MAPRE2: variants seen among roughly 807,000 people sequenced by gnomAD.
MAPRE2 encodes the protein microtubule-associated protein RP/EB family member 2.
In MAPRE2, 13 loss-of-function variants were observed where a neutral mutation model predicts 43.2. That is an observed-to-expected ratio of 0.30 (90% CI 0.20 to 0.48). The LOEUF (loss-of-function observed/expected upper bound fraction) is 0.48. Ranked by LOEUF, MAPRE2 falls within the 20% of genes least tolerant of loss-of-function variation. The pLI, the probability that MAPRE2 is intolerant of heterozygous loss-of-function variation, is 0.99. For missense variants in MAPRE2, 161 were observed against 400.2 expected (o/e 0.40, Z 5.10); for synonymous variants, 135 against 148.8 (o/e 0.91, Z 0.68).
At chr18:35,094,658 A>G (rs1908319166) in intron 2 of MAPRE2, among the ~76,000 whole-genome samples, 1 of 152,192 alleles carries the variant, frequency 6.6e-6, no homozygotes, top group African/African-American at 2.4e-5. Context: ...AACAATCTAT[A>G]GGAAAAATGT....
At chr18:35,093,321 A>G (rs1908248123) in intron 2 of MAPRE2, among the ~76,000 whole-genome samples, 1 of 152,012 alleles carries the variant, frequency 6.6e-6, no homozygotes, top group Admixed American at 6.6e-5. Flanking sequence ...GTTGGTAGAA[A>G]TGTGAATTAG....
At chr18:34,985,106 A>C (rs1180159012) in intron 1 of MAPRE2, among the ~76,000 whole-genome samples, 1 of 88,142 alleles carries the variant, frequency 1.1e-5, no homozygotes, top group Non-Finnish European at 1.9e-5. Context: ...TATAATATAT[A>C]AATATTATAT....
At chr18:35,028,452 T>C (rs1011631702) in intron 2 of MAPRE2, among the ~76,000 whole-genome samples, 2 of 152,202 alleles carry the variant, frequency 1.3e-5, no homozygotes, top group Admixed American at 1.3e-4. Flanking sequence ...AGTAAATATA[T>C]AATGTATACT....
At chr18:35,008,264 G>T (rs1040302738) in intron 2 of MAPRE2, among the ~76,000 whole-genome samples, 1 of 151,962 alleles carries the variant, frequency 6.6e-6, no homozygotes, top group Non-Finnish European at 1.5e-5. Flanking sequence ...TTTATGCTTT[G>T]ATCCTCACTA....
intron 1 of MAPRE2, among the ~76,000 whole-genome samples, chr18:35,049,124 GAGGTAATTTGTCAAAAACGCC>G (rs1222472540): frequency 1.3e-5 from 2 of 152,062 alleles, no homozygotes; most frequent in Non-Finnish European, 2.9e-5. Flanking sequence ...AAAGCCCTGG[GAGGTAATTTGTCAAAAACGCC>G]AGGTAATTTG....
At chr18:35,069,963 G>A (rs999543077) in intron 1 of MAPRE2, among the ~76,000 whole-genome samples, 3 of 152,226 alleles carry the variant, frequency 2.0e-5, no homozygotes, top group African/African-American at 7.2e-5. Flanking sequence ...CTCAGAACCT[G>A]AGGAACATTT....
intron 1 of MAPRE2, among the ~76,000 whole-genome samples, chr18:35,042,225 A>G (rs889654111): frequency 6.6e-6 from 1 of 152,198 alleles, no homozygotes; most frequent in Non-Finnish European, 1.5e-5. Flanking sequence ...ACATTCACCA[A>G]AATTTTCTCC....
At chr18:35,022,569 T>C (rs983959321) in intron 2 of MAPRE2, among the ~76,000 whole-genome samples, 2 of 152,214 alleles carry the variant, frequency 1.3e-5, no homozygotes, top group Non-Finnish European at 2.9e-5. Context: ...GGAACATTCT[T>C]CGGGTTGCAA....
chr18:35,021,150 G>C (rs2097041714), intron 2 of MAPRE2, among the ~76,000 whole-genome samples: 1 of 152,154 alleles, frequency 6.6e-6, no homozygotes, highest in African/African-American at 2.4e-5. Context: ...AAGGAAGAAA[G>C]ATAAGCTAGG....
chr18:35,135,353 G>A (rs1666718191), intron 6 of MAPRE2, among the ~76,000 whole-genome samples: 2 of 152,092 alleles, frequency 1.3e-5, no homozygotes, highest in Admixed American at 6.6e-5. Context: ...TGACTCTGCC[G>A]AGAGGCTCAG....
Position 34,998,761 on chromosome 18 carries a change from C to T in MAPRE2, c.-69-6731C>T, listed in dbSNP as rs2097027838. On this transcript the variant is annotated intron_variant, in intron 1 of 7. Transcript: ENST00000413393. ...TACAGGCGTGAGCCACTGAGCCTGG[C>T]CGAAGTTGCAATTTTTTTTTTTTTT... Among the ~76,000 whole-genome samples, 5 of 137,788 alleles carry T rather than the reference C, an allele frequency of 3.6e-5. No individual in the cohort carries two copies. In the South Asian group the frequency reaches 1.2e-3, roughly 32 times the overall value. The allele number at this position is 137,788 out of a possible 152,430, so 90.4% of individuals were successfully genotyped here.
At chr18:35,090,014 G>T (rs1235829582) in intron 2 of MAPRE2, among the ~76,000 whole-genome samples, 1 of 152,192 alleles carries the variant, frequency 6.6e-6, no homozygotes, top group Non-Finnish European at 1.5e-5. Flanking sequence ...AGAGTTTGCT[G>T]AGTGAAAGAA....
intron 3 of MAPRE2, among the ~76,000 whole-genome samples, chr18:35,100,117 A>T (rs115932567): frequency 0.013 from 1,926 of 152,272 alleles, 38 homozygotes; most frequent in African/African-American, 0.044. Flanking sequence ...ACACATTCAC[A>T]CACTCACACA....
intron 4 of MAPRE2, among the ~76,000 whole-genome samples, chr18:35,117,052 G>T (rs1198510405): frequency 6.6e-6 from 1 of 152,224 alleles, no homozygotes; most frequent in Non-Finnish European, 1.5e-5. Context: ...CATGGGAGAA[G>T]ACAGTGGCCT....
chr18:35,056,327 A>T (rs1007425290), intron 1 of MAPRE2, among the ~76,000 whole-genome samples: 2 of 152,206 alleles, frequency 1.3e-5, no homozygotes, highest in African/African-American at 4.8e-5. Context: ...TTATTATAAC[A>T]ATAGCTAAAG....
At chr18:34,985,686 A>T (rs1455677542) in intron 1 of MAPRE2, among the ~76,000 whole-genome samples, 1 of 124,630 alleles carries the variant, frequency 8.0e-6, no homozygotes, top group Non-Finnish European at 1.6e-5. Flanking sequence ...AATATATATT[A>T]TATAATATGT....
intron 1 of MAPRE2, among the ~76,000 whole-genome samples, chr18:34,981,111 A>C (rs1490560096): frequency 1.3e-5 from 2 of 151,938 alleles, no homozygotes; most frequent in Non-Finnish European, 2.9e-5. Context: ...AAAGTAGTTT[A>C]GAAAAATAGA....
chr18:35,074,964 G>A (rs1907275136), intron 2 of MAPRE2, among the ~76,000 whole-genome samples: 1 of 152,048 alleles, frequency 6.6e-6, no homozygotes, highest in African/African-American at 2.4e-5. Flanking sequence ...GGAAAATTGA[G>A]ATATTTTCTT....
In MAPRE2 at chr18:35,140,397, A is replaced by G. The variant is rs969023843; in HGVS notation, c.*28A>G. 2 of 1,585,338 alleles carry G rather than the reference A, an allele frequency of 1.3e-6. No homozygotes were observed. The highest frequency in any genetic ancestry group is 2.7e-5 in the African/African-American group (2 of 74,100). ...CACCCCGGCTGCTCTTGACACTTCC[A>G]TTGTGTGTGGGAACGTTTCTTCTGG... On this transcript the variant is annotated 3_prime_UTR_variant, in exon 7 of 7. Transcript: ENST00000300249.
Sources: allele counts gnomAD v4.1 joint callset (sites outside exome capture counted in the v4.1 genomes callset), GRCh38; gene constraint gnomAD v4.1.1; transcripts MANE v1.5; gene names NCBI Gene and HGNC (gene_info 2026-07-23, HGNC 2026-07-21).